The following WWOX variants were observed in gnomAD, a reference collection of about 807,000 sequenced individuals.
WWOX encodes the protein WW domain containing oxidoreductase, also known as WW domain-containing oxidoreductase.
In WWOX, 69 loss-of-function variants were observed where a neutral mutation model predicts 46.2. That is an observed-to-expected ratio of 1.49 (90% confidence interval 1.23 to 1.82). The LOEUF (loss-of-function observed/expected upper bound fraction) is 1.82, where lower values mean the gene tolerates loss of function less well. Among genes scored for constraint, WWOX ranks in the 40% most tolerant of loss-of-function variants. The probability of loss-of-function intolerance (pLI) is 0.00; values close to 1 mark genes in which losing one functional copy is unlikely to be tolerated. For missense variants in WWOX, 919 were observed against 542.6 expected, an observed-to-expected ratio of 1.69 and a Z score of -6.89; for synonymous variants, 359 against 202.6, an observed-to-expected ratio of 1.77 and a Z score of -6.56.
intron 8 of WWOX, among the ~76,000 whole-genome samples, chr16:78,761,835 C>T (rs527924714): frequency 4.6e-5 from 7 of 152,088 alleles, no homozygotes; most frequent in African/African-American, 1.7e-4. Flanking sequence ...GTAAAGCTGA[C>T]CCGACATAGA....
chr16:78,293,735 TGAG>T (rs2079896362), intron 5 of WWOX, among the ~76,000 whole-genome samples: 2 of 152,082 alleles, frequency 1.3e-5, no homozygotes, highest in African/African-American at 4.8e-5. Flanking sequence ...CCCAGCACTT[TGAG>T]AGGCCGAGGC....
intron 8 of WWOX, among the ~76,000 whole-genome samples, chr16:79,121,774 A>G (rs139469708): frequency 2.5e-3 from 388 of 152,346 alleles, no homozygotes; most frequent in African/African-American, 8.7e-3. Flanking sequence ...GGTTAGTGCC[A>G]GATAAGGTCC....
chr16:78,398,661 G>A (rs532687143), intron 6 of WWOX, among the ~76,000 whole-genome samples: 279 of 152,234 alleles, frequency 1.8e-3, no homozygotes, highest in African/African-American at 6.6e-3. Context: ...AGAAACTTTG[G>A]CTAATACATC....
At chr16:79,079,355 A>G (rs1341502451) in intron 8 of WWOX, among the ~76,000 whole-genome samples, 1 of 152,184 alleles carries the variant, frequency 6.6e-6, no homozygotes, top group African/African-American at 2.4e-5. Context: ...CCCGACAAAA[A>G]AAAATATGAC....
rs561944457 is a variant in WWOX at position 78,549,050 on chromosome 16, G to T, written c.1056+116298G>T. Among the ~76,000 whole-genome samples, 3 of 152,142 alleles carry T rather than the reference G, an allele frequency of 2.0e-5. No individual in the cohort carries two copies. In the South Asian group the frequency reaches 6.2e-4, roughly 32 times the overall value. The stretch of plus-strand genomic sequence containing the variant: ...ATCGGTGCCTTGATAATAAATATTT[G>T]AACTTATTTTTAGAAGTTAGAATAA... On this transcript the variant is annotated intron_variant, in intron 8 of 8. Coordinates refer to ENST00000566780, the MANE Select transcript of WWOX (RefSeq NM_016373.4).
chr16:79,043,153 A>G (rs1567509823), intron 8 of WWOX, among the ~76,000 whole-genome samples: 1 of 152,090 alleles, frequency 6.6e-6, no homozygotes. Context: ...TTGCAGCTGA[A>G]GAGAAGAGAG....
intron 8 of WWOX, among the ~76,000 whole-genome samples, chr16:79,110,259 C>G (rs973234848): frequency 1.3e-5 from 2 of 152,178 alleles, no homozygotes; most frequent in Non-Finnish European, 2.9e-5. Context: ...GGTTGCACCA[C>G]TAGAAATGAG....
At chr16:78,476,195 G>A (rs988807052) in intron 8 of WWOX, among the ~76,000 whole-genome samples, 2 of 152,090 alleles carry the variant, frequency 1.3e-5, no homozygotes, top group Non-Finnish European at 2.9e-5. Context: ...ATCTCATTGT[G>A]GTTTTGATTT....
At chr16:78,288,522 G>A (rs2079808480) in intron 5 of WWOX, among the ~76,000 whole-genome samples, 1 of 152,110 alleles carries the variant, frequency 6.6e-6, no homozygotes, top group African/African-American at 2.4e-5. Context: ...TCCCTGCAAA[G>A]GAGAAGAAAT....
chr16:78,326,082 C>A (rs746146416), intron 5 of WWOX, among the ~76,000 whole-genome samples: 9 of 152,074 alleles, frequency 5.9e-5, no homozygotes, highest in Non-Finnish European at 1.2e-4. Flanking sequence ...TCTCTGTCTG[C>A]CTCTAAACTC....
chr16:78,648,716 T>C (rs1008425988), intron 8 of WWOX, among the ~76,000 whole-genome samples: 7 of 152,210 alleles, frequency 4.6e-5, no homozygotes, highest in Non-Finnish European at 1.0e-4. Context: ...AATCGGAGCA[T>C]ACTGGAAGTC....
intron 8 of WWOX, among the ~76,000 whole-genome samples, chr16:79,152,759 G>C (rs2050306583): frequency 6.6e-6 from 1 of 152,142 alleles, no homozygotes. Flanking sequence ...GCAGAGCTCA[G>C]GGAATTATTC....
In WWOX at chr16:78,952,069, C is replaced by T. The variant is rs369995231; in HGVS notation, c.1057-259539C>T. 4.6e-5 allele frequency among the ~76,000 whole-genome samples: 7 copies of T among 152,218 alleles called. No homozygotes were observed. The South Asian group carries it at 1.2e-3, about 27-fold the overall frequency. Reference sequence around the variant, plus strand: ...GTAAAGACAGACCCCTAATCATAACCTACAATCCCTCGACCCAGTGACCTA... The same window carrying T: ...GTAAAGACAGACCCCTAATCATAACTTACAATCCCTCGACCCAGTGACCTA... On this transcript the variant is annotated intron_variant, in intron 8 of 8. Coordinates refer to ENST00000566780, the MANE Select transcript of WWOX (RefSeq NM_016373.4).
At chr16:78,380,900 AATG>A (rs901038292) in intron 5 of WWOX, among the ~76,000 whole-genome samples, 2 of 152,226 alleles carry the variant, frequency 1.3e-5, no homozygotes, top group Admixed American at 6.5e-5. Flanking sequence ...CCTTCAAAAT[AATG>A]ATAATAGCAT....
At chr16:78,831,307 G>C (rs75076715) in intron 8 of WWOX, among the ~76,000 whole-genome samples, 1 of 152,174 alleles carries the variant, frequency 6.6e-6, no homozygotes, top group African/African-American at 2.4e-5. Context: ...CTGGAGGATT[G>C]ATATCCCCTG....
At chr16:78,883,610 G>A (rs1013470572) in intron 8 of WWOX, among the ~76,000 whole-genome samples, 1 of 151,952 alleles carries the variant, frequency 6.6e-6, no homozygotes, top group Non-Finnish European at 1.5e-5. Context: ...TGTAATCCCA[G>A]CTACTCAGGA....
intron 8 of WWOX, among the ~76,000 whole-genome samples, chr16:78,795,037 A>G (rs2142618744): frequency 6.6e-6 from 1 of 152,136 alleles, no homozygotes; most frequent in South Asian, 2.1e-4. Context: ...TGAGCTGGCG[A>G]TTTTTCCAGC....
chr16:79,026,119 A>C (rs2047635986), intron 8 of WWOX, among the ~76,000 whole-genome samples: 1 of 151,364 alleles, frequency 6.6e-6, no homozygotes, highest in Admixed American at 6.6e-5. Context: ...CCTTTTCAAA[A>C]CACTAAGTGC....
chr16:78,561,178 C>G (rs1291085430), intron 8 of WWOX, among the ~76,000 whole-genome samples: 3 of 152,162 alleles, frequency 2.0e-5, no homozygotes, highest in Admixed American at 6.5e-5. Context: ...AGGCAACCCA[C>G]ATTCCTTGAC....
Sources: allele counts gnomAD v4.1 joint callset (sites outside exome capture counted in the v4.1 genomes callset), GRCh38; gene constraint gnomAD v4.1.1; transcripts MANE v1.5; gene names NCBI Gene and HGNC (gene_info 2026-07-23, HGNC 2026-07-21).